ANKRD30BL: variants seen among roughly 807,000 people sequenced by gnomAD.
ANKRD30BL encodes putative ankyrin repeat domain-containing protein 30B-like.
ANKRD30BL carries 20 observed loss-of-function variants against 18.4 expected under a neutral mutation model. That is an observed-to-expected ratio of 1.09 (90% confidence interval 0.77 to 1.58). ANKRD30BL has a LOEUF of 1.58. Among genes scored for constraint, ANKRD30BL ranks in the 40% most tolerant of loss-of-function variants. The pLI is 0.00. For synonymous variants in ANKRD30BL, 72 were observed against 100.9 expected (o/e 0.71, Z 1.72); for missense variants, 224 against 268.6 (o/e 0.83, Z 1.16).
intron 1 of ANKRD30BL, among the ~76,000 whole-genome samples, chr2:132,249,022 A>G (rs943561423): frequency 2.0e-5 from 3 of 151,920 alleles, no homozygotes; most frequent in African/African-American, 7.2e-5. Context: ...ACAAGAAAAG[A>G]GTTTCCCATC....
intron 1 of ANKRD30BL, among the ~76,000 whole-genome samples, chr2:132,206,798 C>T (rs1244020659): frequency 6.6e-6 from 1 of 152,158 alleles, no homozygotes; most frequent in African/African-American, 2.4e-5. Context: ...AGCTAGAAAT[C>T]TTAAATGAAG....
intron 1 of ANKRD30BL, among the ~76,000 whole-genome samples, chr2:132,227,354 C>T (rs1174651304): frequency 6.6e-6 from 1 of 151,928 alleles, no homozygotes; most frequent in Non-Finnish European, 1.5e-5. Flanking sequence ...CACTTTGAGG[C>T]CTATAGTGGA....
At chr2:132,229,014 C>T (rs201623033) in intron 1 of ANKRD30BL, among the ~76,000 whole-genome samples, 1 of 151,656 alleles carries the variant, frequency 6.6e-6, no homozygotes, top group South Asian at 2.1e-4. Context: ...GGATTGAAAC[C>T]TTTCTTTTGA....
At chr2:132,210,970 A>G (rs569289838) in intron 1 of ANKRD30BL, among the ~76,000 whole-genome samples, 1,159 of 105,020 alleles carry the variant, frequency 0.011, 13 homozygotes, top group African/African-American at 0.035. Context: ...CTTTTGATTG[A>G]GAAGTTTTGA....
intron 1 of ANKRD30BL, among the ~76,000 whole-genome samples, chr2:132,223,601 T>C (rs971793795): frequency 1.3e-4 from 20 of 152,158 alleles, no homozygotes; most frequent in African/African-American, 4.1e-4. Flanking sequence ...CTTTGAGGCC[T>C]TCGTTGGAAT....
intron 1 of ANKRD30BL, among the ~76,000 whole-genome samples, chr2:132,198,622 CT>C (rs1198235501): frequency 0.034 from 4,650 of 137,934 alleles, 74 homozygotes; most frequent in African/African-American, 0.051. Flanking sequence ...AGCGCCCAGC[CT>C]TTTTTTTTTT....
chr2:132,232,059 T>C (rs369011498), intron 1 of ANKRD30BL, among the ~76,000 whole-genome samples: 9 of 152,206 alleles, frequency 5.9e-5, no homozygotes, highest in Admixed American at 1.3e-4. Flanking sequence ...TGGGAGGCAC[T>C]CCCCAGCAGG....
intron 1 of ANKRD30BL, among the ~76,000 whole-genome samples, chr2:132,201,361 C>A (rs576366261): frequency 6.6e-6 from 1 of 152,012 alleles, no homozygotes; most frequent in East Asian, 1.9e-4. Flanking sequence ...AACAGGCAAC[C>A]TACAAAATGG....
intron 1 of ANKRD30BL, among the ~76,000 whole-genome samples, chr2:132,169,507 C>T (rs1236967931): frequency 6.6e-6 from 1 of 151,994 alleles, no homozygotes; most frequent in Non-Finnish European, 1.5e-5. Context: ...ACTAGCTGGG[C>T]GTCGTGGTGC....
rs3114155 is a variant in ANKRD30BL, at chr2:132,189,458, T to C, written n.442-32312A>G. 2.0e-4 allele frequency among the ~76,000 whole-genome samples: 30 copies of C among 150,592 alleles called. No individual in the cohort carries two copies. The East Asian group carries it at 3.1e-3, about 16-fold the overall frequency. On this transcript the variant is annotated intron_variant and non_coding_transcript_variant, in intron 1 of 4. Transcript: ENST00000470729. ...AAACATATTGCAGCATTCTCTCTTT[T>C]ACCTCCCCCAAAGCACTGTAATATG...
rs895235970 is a variant in ANKRD30BL at position 132,176,592 on chromosome 2, T to C, written n.442-19446A>G. Among the ~76,000 whole-genome samples, 4 of 151,492 alleles carry C rather than the reference T, an allele frequency of 2.6e-5. No individual in the cohort carries two copies. In the East Asian group the frequency reaches 5.8e-4, roughly 22 times the overall value. On this transcript the variant is annotated intron_variant and non_coding_transcript_variant, in intron 1 of 4. Transcript: ENST00000470729. ...TGCCATTGTACTCCAGCCTGGGCGA[T>C]AGAGCAAGACTCTGTATTCAAAAAA...
intron 1 of ANKRD30BL, among the ~76,000 whole-genome samples, chr2:132,167,345 G>A (rs569988503): frequency 1.8e-5 from 2 of 109,000 alleles, no homozygotes; most frequent in Non-Finnish European, 3.6e-5. Flanking sequence ...ATTTTATTTT[G>A]AGATAGAGCC....
chr2:132,170,884 C>A (rs1234176568), intron 1 of ANKRD30BL, among the ~76,000 whole-genome samples: 1 of 152,042 alleles, frequency 6.6e-6, no homozygotes, highest in Non-Finnish European at 1.5e-5. Flanking sequence ...GAGGCCGAGC[C>A]GGTGGCTCAC....
At chr2:132,177,681 A>G (rs1218583554) in intron 1 of ANKRD30BL, among the ~76,000 whole-genome samples, 1 of 152,222 alleles carries the variant, frequency 6.6e-6, no homozygotes, top group Non-Finnish European at 1.5e-5. Flanking sequence ...GTTGAAAGAA[A>G]ATACTGGATT....
At position 132,148,032 on chromosome 2, in the gene ANKRD30BL, T is replaced by C; in HGVS notation, c.*99A>G. 1.1e-6 allele frequency: 1 copy of C among 870,272 alleles called. No individual in the cohort carries two copies. Among genetic ancestry groups the C allele is most frequent in the Admixed American group, 2.2e-5 (1 of 45,696 alleles). 53.9% of individuals were successfully genotyped at this position (870,272 alleles called of 1,614,324 possible). A position where few individuals can be genotyped will look rare whatever the true frequency, so the allele number is the denominator to read the frequency against. ...CTGAACATACTGACATATTTGTTCT[T>C]TGATGAGGAACTCAGAACTCATTGT... is the stretch of plus-strand genomic sequence containing the variant. On this transcript the variant is annotated 3_prime_UTR_variant, in exon 6 of 6. Coordinates refer to ENST00000409867, the MANE Select transcript of ANKRD30BL (RefSeq NM_001358416.1).
upstream of ANKRD30BL, among the ~76,000 whole-genome samples, chr2:132,164,547 T>C (rs1441220879): frequency 1.3e-5 from 2 of 151,758 alleles, no homozygotes; most frequent in African/African-American, 4.8e-5. Flanking sequence ...CACCTTGGCC[T>C]CCCAAAGTGC....
Position 132,148,126 on chromosome 2 carries a change from G to C in ANKRD30BL, c.*5C>G, listed in dbSNP as rs746791240. ...TAAAATCTTTGAAGAGGAATTCACT[G>C]TATCCTATTCATCAGGTGTTCTTTC... On this transcript the variant is annotated 3_prime_UTR_variant, in exon 6 of 6. Coordinates refer to ENST00000409867, the MANE Select transcript of ANKRD30BL (RefSeq NM_001358416.1). 1.9e-6 allele frequency: 3 copies of C among 1,568,632 alleles called. No homozygotes were observed. The African/African-American group carries it at 4.0e-5, about 21-fold the overall frequency.
At chr2:132,219,448 G>A (rs1679607115) in intron 1 of ANKRD30BL, among the ~76,000 whole-genome samples, 1 of 151,706 alleles carries the variant, frequency 6.6e-6, no homozygotes, top group South Asian at 2.1e-4. Context: ...GTGGACATTT[G>A]GAGGGCTTTA....
upstream of ANKRD30BL, among the ~76,000 whole-genome samples, chr2:132,166,058 C>A (rs1165080604): frequency 1.3e-5 from 2 of 152,080 alleles, no homozygotes; most frequent in Non-Finnish European, 2.9e-5. Context: ...TAAGCTTTTT[C>A]TTCATCAGTT....
Sources: allele counts gnomAD v4.1 joint callset (sites outside exome capture counted in the v4.1 genomes callset), GRCh38; gene constraint gnomAD v4.1.1; transcripts MANE v1.5; gene names NCBI Gene and HGNC (gene_info 2026-07-23, HGNC 2026-07-21).